Variants in CEP131 observed in about 807,000 individuals in gnomAD.
CEP131 encodes centrosomal protein of 131 kDa.
A neutral mutation model predicts 136.8 loss-of-function variants in CEP131; 99 were observed. The ratio of observed to expected loss-of-function variants is 0.72; its 90% confidence interval spans 0.62 to 0.86. The LOEUF (loss-of-function observed/expected upper bound fraction) is 0.86. Ranked by LOEUF, CEP131 falls within the 40% of genes least tolerant of loss-of-function variation. The probability of loss-of-function intolerance (pLI) is 0.00; values close to 1 mark genes in which losing one functional copy is unlikely to be tolerated. For synonymous variants in CEP131, 646 were observed against 612.7 expected, an observed-to-expected ratio of 1.05 and a Z score of -0.80; for missense variants, 1,459 against 1,463.0, an observed-to-expected ratio of 1.00 and a Z score of 0.04.
rs576307995 is a variant in CEP131 at position 81,203,103 on chromosome 17, G to A, written c.629+391C>T. Among the ~76,000 whole-genome samples, 11 of 152,262 alleles carry A rather than the reference G, an allele frequency of 7.2e-5. No individual in the cohort carries two copies. The highest frequency in any genetic ancestry group is 2.4e-4 in the African/African-American group (10 of 41,546). On this transcript the variant is annotated intron_variant, in intron 6 of 25. Transcript: ENST00000450824. The surrounding 1 kb of genome is among the most constrained non-coding windows in gnomAD (Gnocchi z 4.6). The stretch of plus-strand genomic sequence containing the variant: ...GTGGACTCGGGGGCTCCTTTGCCCC[G>A]CTCGGTCCACCCCCGCTGTGACGCC...
intron 16 of CEP131, 142 bp downstream of exon 16, chr17:81,195,693 C>G: frequency 1.4e-6 from 1 of 722,962 alleles, no homozygotes; most frequent in Non-Finnish European, 2.3e-6. Flanking sequence ...CTCCCCCAGA[C>G]AGCCCCACCC....
In CEP131 at chr17:81,191,457, C is replaced by T. The variant is rs1487069541; in HGVS notation, c.2623-122G>A. ...CCACAGGGGAGCAAGGGGCCTTCCC[C>T]CTCTCCAGACCCCTGTCCAGGGGTG... is the stretch of plus-strand genomic sequence containing the variant. On this transcript the variant is annotated intron_variant, in intron 21 of 25. Coordinates refer to ENST00000450824, the MANE Select transcript of CEP131 (RefSeq NM_014984.4). 11 of 865,128 alleles carry T rather than the reference C, an allele frequency of 1.3e-5. No homozygotes were observed. The East Asian group carries it at 2.7e-4, about 21-fold the overall frequency. The allele number at this position is 865,128 out of a possible 1,614,324, so 53.6% of individuals were successfully genotyped here.
At chr17:81,191,460 CTCCAGACCCCTG>C in intron 21 of CEP131, 125 bp from the exon 22 acceptor site, 1 of 844,946 alleles carries the variant, frequency 1.2e-6, no homozygotes, top group East Asian at 2.4e-5. Flanking sequence ...CCTTCCCCCT[CTCCAGACCCCTG>C]TCCAGGGGTG....
intron 13 of CEP131, 111 bp from the exon 14 acceptor site, chr17:81,197,166 C>T (rs772584318): frequency 1.8e-5 from 26 of 1,420,166 alleles, no homozygotes; most frequent in Non-Finnish European, 2.4e-5. Flanking sequence ...GGCTGCTGCA[C>T]ACGGGAGCCC....
At position 81,199,118 on chromosome 17, in the gene CEP131, G is replaced by T. The variant is rs933074270; in HGVS notation, c.1193-147C>A. The T allele has an allele frequency of 3.5e-6, 3 of 851,652 alleles. No individual in the cohort carries two copies. The Admixed American group carries it at 8.8e-5, about 25-fold the overall frequency. 52.8% of individuals were successfully genotyped at this position (851,652 alleles called of 1,614,324 possible). On this transcript the variant is annotated intron_variant, in intron 10 of 25. Coordinates refer to ENST00000450824, the MANE Select transcript of CEP131 (RefSeq NM_014984.4). ...GCCGCTGGGGAGCCACGGCCTTCTGGGTGTGGAGCTGTGGAGGATGAGTGC... is the reference window on the plus strand; with the variant it reads ...GCCGCTGGGGAGCCACGGCCTTCTGTGTGTGGAGCTGTGGAGGATGAGTGC...
rs1275851721 is a variant in CEP131, at chr17:81,203,974, GC to G, written c.516-368del. On this transcript the variant is annotated intron_variant, in intron 5 of 25. Coordinates refer to ENST00000450824, the MANE Select transcript of CEP131 (RefSeq NM_014984.4). This position sits in a 1 kb window ranked among gnomAD's most constrained non-coding sequence, Gnocchi z 4.6. ...ACGACGGATGGAAGCCACATTCTCT[GC>G]CTCTGCCCCTCCGCAGACCCGCAGG... 4.6e-6 allele frequency: 1 copy of G among 216,804 alleles called. No homozygotes were observed. Among genetic ancestry groups the G allele is most frequent in the Non-Finnish European group, 9.3e-6 (1 of 107,538 alleles). 13.4% of individuals were successfully genotyped at this position (216,804 alleles called of 1,614,324 possible). A position where few individuals can be genotyped will look rare whatever the true frequency, so the allele number is the denominator to read the frequency against.
rs372194453 is a variant in CEP131 at position 81,190,913 on chromosome 17, C to A, written c.2937G>T (p.Ala979=). ...VRQKERALED[A]QAVNEQLSSE... Reference sequence around the variant, plus strand: ...CTGACACCCGCCCACTCACCGCCTGCGCATCCTCCAGCGCCCGCTCCTTCT... The same window carrying A: ...CTGACACCCGCCCACTCACCGCCTGAGCATCCTCCAGCGCCCGCTCCTTCT... Residue 979 remains alanine, a synonymous_variant, in exon 23 of 26, where the codon GCG becomes GCT. Transcript: ENST00000450824. 1.9e-6 allele frequency: 3 copies of A among 1,603,186 alleles called. No individual in the cohort carries two copies. The African/African-American group carries it at 4.0e-5, about 21-fold the overall frequency.
In CEP131 at chr17:81,203,693, G is replaced by A. The variant is rs923546933; in HGVS notation, c.516-86C>T. The A allele has an allele frequency of 5.2e-5, 58 of 1,107,768 alleles. No homozygotes were observed. Among genetic ancestry groups the A allele is most frequent in the Non-Finnish European group, 7.4e-5 (57 of 767,634 alleles). The allele number at this position is 1,107,768 out of a possible 1,614,324, so 68.6% of individuals were successfully genotyped here. ...AGAGCTACACTCGCAGCACGGGCTG[G>A]GAGGGAACAAAGGCCTTCAGTGCTT... On this transcript the variant is annotated intron_variant, in intron 5 of 25. Transcript: ENST00000450824. This position sits in a 1 kb window ranked among gnomAD's most constrained non-coding sequence, Gnocchi z 4.6.
Position 81,197,822 on chromosome 17 carries a change from C to T in CEP131, c.1537G>A (p.Glu513Lys), listed in dbSNP as rs144147050. 2.5e-4 allele frequency: 410 copies of T among 1,613,272 alleles called. No homozygotes were observed. Among genetic ancestry groups the T allele is most frequent in the Middle Eastern group, 3.3e-4 (2 of 6,058 alleles). The change falls in exon 13 of 26, where the codon GAA (glutamate) becomes AAA (lysine). Residue 513 changes from glutamate to lysine, a missense_variant. By Grantham distance (56) the Glu-to-Lys change is moderately conservative. Around this residue, in one of 3 missense-constraint regions of CEP131, gnomAD observed 1,026 missense variants for 964.2 expected, o/e 1.06. Coordinates refer to ENST00000450824, the MANE Select transcript of CEP131 (RefSeq NM_014984.4). ...AGCAGCGTCCCATCCTCAGGAGGTT[C>T]GGGGAACGCACTGAGTTTTCCAAAT... is the stretch of plus-strand genomic sequence containing the variant. ...EKFGKLSAFP[E>K]PPEDGTLLSE... is the part of the protein sequence containing the mutation.
chr17:81,189,776 G>A lies in CEP131; in HGVS notation c.3236C>T (p.Thr1079Ile). 2.5e-6 allele frequency: 4 copies of A among 1,604,648 alleles called. No homozygotes were observed. Among genetic ancestry groups the A allele is most frequent in the Non-Finnish European group, 3.4e-6 (4 of 1,175,146 alleles). ...LEQHRRPTPS[T>I]K is the part of the protein sequence containing the mutation. ...TGTTCCCGGCATCCCTGGTCACTTG[G>A]TACTTGGCGTGGGCCTCCTGTGCTG... Residue 1079 changes from threonine to isoleucine, a missense_variant, in exon 26 of 26, where the codon ACC becomes ATC. Physicochemically the swap from Thr to Ile is moderately conservative, Grantham distance 89. Coordinates refer to ENST00000450824, the MANE Select transcript of CEP131 (RefSeq NM_014984.4).
chr17:81,211,657 G>C (rs1428193085), intron 2 of CEP131, among the ~76,000 whole-genome samples: 1 of 152,234 alleles, frequency 6.6e-6, no homozygotes, highest in East Asian at 1.9e-4. Context: ...TTGTGGCCAG[G>C]CGTGGTGGCT....
intron 2 of CEP131, among the ~76,000 whole-genome samples, chr17:81,214,509 TCA>T (rs2062202244): frequency 6.6e-6 from 1 of 151,638 alleles, no homozygotes; most frequent in African/African-American, 2.4e-5. Flanking sequence ...TGAGGTGAAA[TCA>T]CACCATTGCA....
chr17:81,190,775 T>C lies in CEP131; in HGVS notation c.2971A>G (p.Ser991Gly). 1.2e-6 allele frequency: 2 copies of C among 1,611,530 alleles called. No homozygotes were observed. The highest frequency in any genetic ancestry group is 1.7e-6 in the Non-Finnish European group (2 of 1,179,278). Residue 991 changes from serine to glycine, a missense_variant, in exon 24 of 26, where the codon AGC (serine) becomes GGC (glycine). Coordinates refer to ENST00000450824, the MANE Select transcript of CEP131 (RefSeq NM_014984.4). ...TGGCGGATCACCTGGGCCAGGTTGCTGCGCTCGCTAGAAAGCTGCTCGTTC... is the reference window on the plus strand; with the variant it reads ...TGGCGGATCACCTGGGCCAGGTTGCCGCGCTCGCTAGAAAGCTGCTCGTTC... ...AVNEQLSSER[S>G]NLAQVIRQEF...
At chr17:81,200,166 G>T in intron 8 of CEP131, 163 bp downstream of exon 8, 1 of 647,842 alleles carries the variant, frequency 1.5e-6, no homozygotes. Context: ...GGACCACCCT[G>T]ACTGTCCGCG....
Position 81,203,415 on chromosome 17 carries a change from T to C in CEP131, c.629+79A>G. ...AACTGACCGCGTGCCCTGACCGAGGTCGGACCCCAGGTGCACTGACTACAT... is the reference window on the plus strand; with the variant it reads ...AACTGACCGCGTGCCCTGACCGAGGCCGGACCCCAGGTGCACTGACTACAT... On this transcript the variant is annotated intron_variant, in intron 6 of 25. Coordinates refer to ENST00000450824, the MANE Select transcript of CEP131 (RefSeq NM_014984.4). This position sits in a 1 kb window ranked among gnomAD's most constrained non-coding sequence, Gnocchi z 4.6. 8.3e-7 allele frequency: 1 copy of C among 1,200,614 alleles called. No individual in the cohort carries two copies. Among genetic ancestry groups the C allele is most frequent in the Non-Finnish European group, 1.2e-6 (1 of 845,892 alleles). The allele number at this position is 1,200,614 out of a possible 1,614,324, so 74.4% of individuals were successfully genotyped here.
In CEP131 at chr17:81,189,964, G is replaced by C; in HGVS notation, c.3119C>G (p.Ala1040Gly). ...LEEVHRRVKTALARKEEAVSS... is the reference protein window; with the variant it reads ...LEEVHRRVKTGLARKEEAVSS... ...CACGGCCTCCTCCTTCCTCGCGAGG[G>C]CTGTCTTCACCCTGTGGGTAGTACA... The change falls in exon 25 of 26, where the codon GCC (alanine) becomes GGC (glycine). Residue 1040 changes from alanine (A) to glycine (G), a missense_variant. Physicochemically the swap from Ala to Gly is moderately conservative, Grantham distance 60 (BLOSUM62 0). Transcript: ENST00000450824. 6.2e-7 allele frequency: 1 copy of C among 1,610,082 alleles called. No homozygotes were observed.
chr17:81,196,588 C>T (rs757621648), intron 15 of CEP131, 113 bp downstream of exon 15: 22 of 1,438,274 alleles, frequency 1.5e-5, no homozygotes, highest in East Asian at 5.0e-5. Flanking sequence ...AGCGGACACC[C>T]GTGTGACACC....
At chr17:81,190,305 G>T (rs975209937) in intron 24 of CEP131, among the ~76,000 whole-genome samples, 1 of 152,146 alleles carries the variant, frequency 6.6e-6, no homozygotes, top group Non-Finnish European at 1.5e-5. Flanking sequence ...GAGCTCGCTG[G>T]GAACCTTACA....
In CEP131 at chr17:81,198,918, A is replaced by T. The variant is rs746942667; in HGVS notation, c.1246T>A (p.Ser416Thr). 21 of 1,593,582 alleles carry T rather than the reference A, an allele frequency of 1.3e-5. No homozygotes were observed. The highest frequency in any genetic ancestry group is 1.8e-5 in the Non-Finnish European group (21 of 1,171,186). ...PGDRCLPTSD[S>T]SPEPQQPPED... ...GGAGGCTGCTGTGGTTCTGGGGATGAGTCGGAGGTGGGCAGGCAGCGGTCT... is the reference window on the plus strand; with the variant it reads ...GGAGGCTGCTGTGGTTCTGGGGATGTGTCGGAGGTGGGCAGGCAGCGGTCT... The change falls in exon 11 of 26, where the codon TCA becomes ACA. Residue 416 changes from serine (S) to threonine (T), a missense_variant. Physicochemically the swap from Ser to Thr is moderately conservative, Grantham distance 58. Around this residue, in one of 3 missense-constraint regions of CEP131, gnomAD observed 1,026 missense variants for 964.2 expected, o/e 1.06. Transcript: ENST00000450824.
Sources: gnomAD v4.1 joint callset for allele counts (sites outside exome capture counted in the v4.1 genomes callset) on GRCh38, gnomAD v4.1.1 for gene constraint, gnomAD v4.1.1 regional missense constraint, Gnocchi (gnomAD v3.1) non-coding constraint, MANE v1.5 for transcripts, NCBI Gene and HGNC (gene_info 2026-07-23, HGNC 2026-07-21) for gene names.